SPRR2G: variants seen among roughly 807,000 people sequenced by gnomAD.
SPRR2G encodes the protein small proline rich protein 2G, also known as small proline-rich protein 2G.
SPRR2G carries 1 observed loss-of-function variant against 0.7 expected under a neutral mutation model. The ratio of observed to expected loss-of-function variants is 1.49; its 90% CI spans 0.53 to 7.06. The LOEUF (loss-of-function observed/expected upper bound fraction) is 7.06. Among genes scored for constraint, SPRR2G ranks in the 30% most tolerant of loss-of-function variants. The pLI is 0.14. For synonymous variants in SPRR2G, 38 were observed against 33.9 expected (o/e 1.12, Z -0.42); for missense variants, 96 against 88.5 (o/e 1.09, Z -0.34).
chr1:153,164,660 A>G, the SPRR2G span, among the ~76,000 whole-genome samples: 3 of 152,188 alleles, frequency 2.0e-5, no homozygotes, highest in African/African-American at 7.2e-5. Flanking sequence ...TCATCTTTAG[A>G]TTACTTATAA....
At chr1:153,166,858 A>C in the SPRR2G span, among the ~76,000 whole-genome samples, 1 of 145,626 alleles carries the variant, frequency 6.9e-6, no homozygotes, top group Non-Finnish European at 1.5e-5. Flanking sequence ...TAGGAAGTTG[A>C]GTATCACAGA....
At chr1:153,150,783 C>G (rs989754815) in intron 1 of SPRR2G, 69 bp downstream of exon 1, 4 of 155,106 alleles carry the variant, frequency 2.6e-5, no homozygotes, top group Non-Finnish European at 5.7e-5. Flanking sequence ...AATAAACAGG[C>G]ATTTCTGTAC....
chr1:153,151,295 A>G (rs566801038), upstream of SPRR2G, among the ~76,000 whole-genome samples: 10 of 152,302 alleles, frequency 6.6e-5, no homozygotes, highest in East Asian at 1.9e-3. Flanking sequence ...CAGCCTGGCT[A>G]TATCCTAACC....
At chr1:153,185,992 A>AGGTTGTTCAGTTTCCATGT in the SPRR2G span, among the ~76,000 whole-genome samples, 1 of 152,198 alleles carries the variant, frequency 6.6e-6, no homozygotes, top group African/African-American at 2.4e-5. Context: ...ATTCAGGGGC[A>AGGTTGTTCAGTTTCCATGT]GGTTGTTCAG....
chr1:153,180,112 T>C, the SPRR2G span, among the ~76,000 whole-genome samples: 2 of 152,142 alleles, frequency 1.3e-5, no homozygotes, highest in Non-Finnish European at 2.9e-5. Flanking sequence ...AAAATTGAAG[T>C]ATAAATTAAT....
chr1:153,152,603 C>G (rs928446692), upstream of SPRR2G, among the ~76,000 whole-genome samples: 9 of 152,196 alleles, frequency 5.9e-5, no homozygotes, highest in African/African-American at 2.2e-4. Context: ...CCCTAGTACT[C>G]TGAAACTAAA....
chr1:153,172,494 C>T, the SPRR2G span, among the ~76,000 whole-genome samples: 79 of 152,168 alleles, frequency 5.2e-4, no homozygotes, highest in Non-Finnish European at 9.4e-4. Flanking sequence ...CCTTTGGCTG[C>T]CCCCACAGAG....
In SPRR2G at chr1:153,150,028, G is replaced by A; in HGVS notation, c.83C>T (p.Pro28Leu). The A allele has an allele frequency of 6.2e-7, 1 of 1,613,738 alleles. No homozygotes were observed. Among genetic ancestry groups the A allele is most frequent in the Non-Finnish European group, 8.5e-7 (1 of 1,179,930 alleles). ...GTAAGGCTCAGGGCACTTCGGGGGT[G>A]GACATGGCTCTGGGCACTTTGGCGT... ...CPTPKCPEPCPPPKCPEPYLP... is the reference protein window; with the variant it reads ...CPTPKCPEPCLPPKCPEPYLP... Residue 28 changes from proline (P) to leucine (L), a missense_variant, in exon 2 of 2, where the codon CCA (proline) becomes CTA (leucine). Coordinates refer to ENST00000368748, the MANE Select transcript of SPRR2G (RefSeq NM_001014291.4).
the SPRR2G span, among the ~76,000 whole-genome samples, chr1:153,169,287 G>A: frequency 6.6e-6 from 1 of 152,108 alleles, no homozygotes; most frequent in African/African-American, 2.4e-5. Flanking sequence ...CTACCAGCCG[G>A]GGTCGCGGTG....
chr1:153,181,468 T>C, the SPRR2G span, among the ~76,000 whole-genome samples: 4 of 152,190 alleles, frequency 2.6e-5, no homozygotes, highest in Non-Finnish European at 5.9e-5. Context: ...TCATTAACTA[T>C]AGTCAGCTCA....
chr1:153,194,976 A>G, the SPRR2G span, among the ~76,000 whole-genome samples: 3 of 152,176 alleles, frequency 2.0e-5, no homozygotes, highest in African/African-American at 4.8e-5. Context: ...CACTGCTGTC[A>G]CTAAAGCATA....
the SPRR2G span, among the ~76,000 whole-genome samples, chr1:153,165,049 C>A: frequency 6.6e-6 from 1 of 152,084 alleles, no homozygotes; most frequent in Admixed American, 6.6e-5. Context: ...AGAAAAGGAG[C>A]AACTAGAAGA....
At chr1:153,193,813 C>T in the SPRR2G span, among the ~76,000 whole-genome samples, 2 of 152,134 alleles carry the variant, frequency 1.3e-5, no homozygotes, top group Non-Finnish European at 2.9e-5. Flanking sequence ...CTTTCTCTCA[C>T]TCCCACATCT....
chr1:153,171,426 G>A, the SPRR2G span, among the ~76,000 whole-genome samples: 1 of 152,192 alleles, frequency 6.6e-6, no homozygotes, highest in Non-Finnish European at 1.5e-5. Flanking sequence ...ATGCTTCCCT[G>A]TATTCATTCA....
the SPRR2G span, among the ~76,000 whole-genome samples, chr1:153,200,857 G>A: frequency 4.6e-5 from 7 of 152,148 alleles, no homozygotes; most frequent in South Asian, 2.1e-4. Flanking sequence ...GCGCCACCAC[G>A]CCCAGCTAAT....
the SPRR2G span, among the ~76,000 whole-genome samples, chr1:153,169,125 C>T: frequency 6.6e-6 from 1 of 152,162 alleles, no homozygotes; most frequent in East Asian, 1.9e-4. Context: ...CCCTCACTAA[C>T]CACCTTTAGG....
At chr1:153,161,635 T>C in the SPRR2G span, among the ~76,000 whole-genome samples, 1 of 152,212 alleles carries the variant, frequency 6.6e-6, no homozygotes, top group Non-Finnish European at 1.5e-5. Context: ...GTAAGTTTCA[T>C]CTATAACTTG....
the SPRR2G span, chr1:153,190,318 A>AT: frequency 6.6e-6 from 1 of 152,562 alleles, no homozygotes; most frequent in Non-Finnish European, 1.5e-5. Flanking sequence ...AGGATACTGC[A>AT]TCCCCCGCCC....
chr1:153,164,857 T>C, the SPRR2G span, among the ~76,000 whole-genome samples: 2 of 152,190 alleles, frequency 1.3e-5, no homozygotes, highest in Non-Finnish European at 2.9e-5. Context: ...GCTGTATGTT[T>C]AAGGAACCTA....
Sources: allele counts gnomAD v4.1 joint callset (sites outside exome capture counted in the v4.1 genomes callset), GRCh38; gene constraint gnomAD v4.1.1; transcripts MANE v1.5; gene names NCBI Gene and HGNC (gene_info 2026-07-23, HGNC 2026-07-21).